Variants in DOCK7 observed in about 807,000 individuals in gnomAD.
DOCK7 encodes the protein dedicator of cytokinesis protein 7.
A neutral mutation model predicts 271.0 loss-of-function variants in DOCK7; 138 were observed. That is an observed-to-expected ratio of 0.51 (90% confidence interval 0.44 to 0.59). The LOEUF is 0.59. Ranked by LOEUF, DOCK7 falls within the 20% of genes least tolerant of loss-of-function variation. The pLI, the probability that DOCK7 is intolerant of heterozygous loss-of-function variation, is 0.00. For synonymous variants in DOCK7, 823 were observed against 876.1 expected, an observed-to-expected ratio of 0.94 and a Z score of 1.07; for missense variants, 2,066 against 2,592.4, an observed-to-expected ratio of 0.80 and a Z score of 4.41.
chr1:62,621,457 A>C (rs1653229755), intron 12 of DOCK7, among the ~76,000 whole-genome samples: 1 of 152,090 alleles, frequency 6.6e-6, no homozygotes, highest in Admixed American at 6.5e-5. Context: ...TTATTGTTTT[A>C]TGCATATTTC....
At chr1:62,601,748 A>G (rs746076650) in intron 14 of DOCK7, 5 of 1,477,312 alleles carry the variant, frequency 3.4e-6, no homozygotes. Context: ...ATCTGATGTA[A>G]TAACATTTTA....
At chr1:62,547,400 G>A (rs940533636) in intron 22 of DOCK7, among the ~76,000 whole-genome samples, 2 of 152,248 alleles carry the variant, frequency 1.3e-5, no homozygotes, top group East Asian at 1.9e-4. Context: ...GTGCCCACGT[G>A]TATGTAAGTG....
At chr1:62,533,073 A>G (rs1217283304) in intron 29 of DOCK7, among the ~76,000 whole-genome samples, 4 of 152,134 alleles carry the variant, frequency 2.6e-5, no homozygotes, top group African/African-American at 4.8e-5. Context: ...CTAAAAACCT[A>G]TCTTTCTGGG....
At chr1:62,484,416 T>C (rs1460891070) in intron 43 of DOCK7, 1 of 152,206 alleles carries the variant, frequency 6.6e-6, no homozygotes, top group Non-Finnish European at 1.5e-5. Context: ...TTGATTTTTC[T>C]GAAAAATTTA....
At position 62,642,211 on chromosome 1, in the gene DOCK7, C is replaced by T. The variant is rs942484283; in HGVS notation, c.818+5480G>A. Among the ~76,000 whole-genome samples, 5 of 151,452 alleles carry T rather than the reference C, an allele frequency of 3.3e-5. No homozygotes were observed. In the East Asian group the frequency reaches 5.8e-4, roughly 18 times the overall value. On this transcript the variant is annotated intron_variant, in intron 7 of 49. Transcript: ENST00000635253. The stretch of plus-strand genomic sequence containing the variant: ...GAAACCTCCGCCTCCTGGGTTCAAG[C>T]GATTCTCCTGCCTCAGCCTCCCGAG...
chr1:62,528,133 T>C lies in DOCK7; in HGVS notation c.3936+18A>G. On this transcript the variant is annotated intron_variant, in intron 31 of 49. Transcript: ENST00000635253. ...TGTCTTTCTAGAAAAAAAAATTCTG[T>C]AGGAGGATTGTTTTTACCGTTGACG... is the stretch of plus-strand genomic sequence containing the variant. 6.3e-7 allele frequency: 1 copy of C among 1,592,788 alleles called. No individual in the cohort carries two copies.
At chr1:62,614,333 T>G (rs1387726033) in intron 14 of DOCK7, among the ~76,000 whole-genome samples, 1 of 151,134 alleles carries the variant, frequency 6.6e-6, no homozygotes, top group African/African-American at 2.4e-5. Context: ...AAGGTTTTTG[T>G]TTTTTTTTAA....
chr1:62,540,101 A>C (rs1366538202), intron 25 of DOCK7, among the ~76,000 whole-genome samples: 1 of 152,060 alleles, frequency 6.6e-6, no homozygotes. Context: ...CTTTCAGAAA[A>C]TTATGCTAGC....
chr1:62,688,211 C>G lies in DOCK7; in HGVS notation c.38+16G>C. ...CTCGGGCGGCGGCGGCGGCGCGCCC[C>G]ACGCCGGATATTTACCTGCTGATCT... On this transcript the variant is annotated intron_variant, in intron 1 of 49. Coordinates refer to ENST00000635253, the MANE Select transcript of DOCK7 (RefSeq NM_001367561.1). 7.3e-7 allele frequency: 1 copy of G among 1,378,450 alleles called. No individual in the cohort carries two copies. Among genetic ancestry groups the G allele is most frequent in the South Asian group, 1.6e-5 (1 of 62,320 alleles). The allele number at this position is 1,378,450 out of a possible 1,614,324, so 85.4% of individuals were successfully genotyped here.
intron 37 of DOCK7, among the ~76,000 whole-genome samples, chr1:62,500,102 C>A (rs1387351917): frequency 6.6e-6 from 1 of 152,114 alleles, no homozygotes; most frequent in Non-Finnish European, 1.5e-5. Flanking sequence ...CCCAGCTTAT[C>A]CTATGTTGAG....
At chr1:62,631,990 C>G (rs1055173191) in intron 10 of DOCK7, among the ~76,000 whole-genome samples, 6 of 152,184 alleles carry the variant, frequency 3.9e-5, no homozygotes, top group Non-Finnish European at 8.8e-5. Flanking sequence ...ACAAGCATAT[C>G]TGGAAGACAT....
intron 16 of DOCK7, among the ~76,000 whole-genome samples, chr1:62,581,035 T>C (rs548193253): frequency 5.9e-5 from 9 of 152,244 alleles, no homozygotes; most frequent in African/African-American, 1.9e-4. Flanking sequence ...AGAGAGACCA[T>C]ATAACCACAG....
chr1:62,606,768 T>C (rs1651059658), intron 14 of DOCK7, among the ~76,000 whole-genome samples: 1 of 152,110 alleles, frequency 6.6e-6, no homozygotes, highest in African/African-American at 2.4e-5. Flanking sequence ...AGACATTCTA[T>C]CTGCTCTCAC....
intron 14 of DOCK7, among the ~76,000 whole-genome samples, chr1:62,603,280 T>C (rs1259091613): frequency 1.3e-5 from 2 of 151,682 alleles, no homozygotes; most frequent in Admixed American, 1.3e-4. Flanking sequence ...ACTAACTCAA[T>C]AGCAATAAGA....
chr1:62,668,894 C>G (rs189425583), intron 1 of DOCK7, among the ~76,000 whole-genome samples: 160 of 148,844 alleles, frequency 1.1e-3, no homozygotes, highest in African/African-American at 3.7e-3. Context: ...CACTGCACTC[C>G]AGCCTGGGCA....
chr1:62,670,574 C>T (rs1458346786), intron 1 of DOCK7, among the ~76,000 whole-genome samples: 1 of 152,116 alleles, frequency 6.6e-6, no homozygotes, highest in Non-Finnish European at 1.5e-5. Context: ...ACACACCAAT[C>T]AGCACCCTGT....
intron 7 of DOCK7, among the ~76,000 whole-genome samples, chr1:62,642,430 C>T (rs1356649736): frequency 6.6e-6 from 1 of 152,082 alleles, no homozygotes; most frequent in East Asian, 1.9e-4. Context: ...AGTGTTTTTC[C>T]ATTCTTGACT....
chr1:62,688,099 C>T, intron 1 of DOCK7, 128 bp downstream of exon 1: 1 of 1,139,352 alleles, frequency 8.8e-7, no homozygotes, highest in Non-Finnish European at 1.1e-6. Context: ...TCCGCCCCGC[C>T]GCGAGCCAGG....
intron 14 of DOCK7, among the ~76,000 whole-genome samples, chr1:62,596,619 G>T (rs1385288013): frequency 6.6e-6 from 1 of 151,344 alleles, no homozygotes. Flanking sequence ...GACCAGCATG[G>T]GCAATACATT....
Sources: allele counts gnomAD v4.1 joint callset (sites outside exome capture counted in the v4.1 genomes callset), GRCh38; gene constraint gnomAD v4.1.1; transcripts MANE v1.5; gene names NCBI Gene and HGNC (gene_info 2026-07-23, HGNC 2026-07-21).